The following COLQ variants were observed in gnomAD, a reference collection of about 807,000 sequenced individuals.
COLQ encodes the protein acetylcholinesterase collagenic tail peptide.
COLQ carries 48 observed loss-of-function variants against 69.0 expected under a neutral mutation model. The ratio of observed to expected loss-of-function variants is 0.70; its 90% CI spans 0.55 to 0.88. COLQ has a LOEUF of 0.88. Ranked by LOEUF, COLQ falls within the 40% of genes least tolerant of loss-of-function variation. The pLI, the probability that COLQ is intolerant of heterozygous loss-of-function variation, is 0.00. For synonymous variants in COLQ, 217 were observed against 211.2 expected (o/e 1.03, Z -0.24); for missense variants, 618 against 594.6 (o/e 1.04, Z -0.41).
At chr3:15,477,461 T>C in intron 5 of COLQ, 2 of 476,904 alleles carry the variant, frequency 4.2e-6, no homozygotes, top group Non-Finnish European at 7.7e-6. Context: ...TTTTGTCACT[T>C]CTACCCACCC....
intron 1 of COLQ, among the ~76,000 whole-genome samples, chr3:15,496,867 C>A (rs921123866): frequency 6.6e-6 from 1 of 152,058 alleles, no homozygotes; most frequent in African/African-American, 2.4e-5. Flanking sequence ...CTTTGGAAAG[C>A]GATTTTCTCC....
chr3:15,517,041 C>T (rs1265872016), intron 1 of COLQ, among the ~76,000 whole-genome samples: 1 of 152,132 alleles, frequency 6.6e-6, no homozygotes, highest in South Asian at 2.1e-4. Context: ...ACTCAAGAGG[C>T]AGAGGTATGA....
intron 12 of COLQ, among the ~76,000 whole-genome samples, chr3:15,459,427 TTTTA>T (rs1488640869): frequency 6.6e-6 from 1 of 151,986 alleles, no homozygotes; most frequent in East Asian, 1.9e-4. Context: ...GCATCCACAC[TTTTA>T]TTTATTTATT....
rs2062328012 is a variant in COLQ at position 15,473,664 on chromosome 3, G to A, written c.636+336C>T. Among the ~76,000 whole-genome samples, 1 of 152,132 alleles carries A rather than the reference G, an allele frequency of 6.6e-6. No individual in the cohort carries two copies. Among genetic ancestry groups the A allele is most frequent in the African/African-American group, 2.4e-5 (1 of 41,422 alleles). On this transcript the variant is annotated intron_variant, in intron 10 of 16. Transcript: ENST00000383788. This position sits in a 1 kb window ranked among gnomAD's most constrained non-coding sequence, Gnocchi z 4.0. ...GCTTTGACCGTTGTGGCTCAGATCTGAGTCCCCTGTGAGAAAGGTTTCTGC... is the reference window on the plus strand; with the variant it reads ...GCTTTGACCGTTGTGGCTCAGATCTAAGTCCCCTGTGAGAAAGGTTTCTGC...
intron 7 of COLQ, chr3:15,475,181 C>T: frequency 3.1e-6 from 2 of 655,138 alleles, no homozygotes; most frequent in East Asian, 5.4e-5. Context: ...TCAAAGGTTT[C>T]CATCTGCTCT....
chr3:15,453,318 G>T (rs564774139), intron 16 of COLQ, among the ~76,000 whole-genome samples: 27 of 152,204 alleles, frequency 1.8e-4, no homozygotes, highest in Non-Finnish European at 3.5e-4. Context: ...TTTTCTTGGA[G>T]GGGCCATGAG....
chr3:15,486,564 C>G (rs1389180362), intron 3 of COLQ, among the ~76,000 whole-genome samples: 1 of 152,182 alleles, frequency 6.6e-6, no homozygotes, highest in Non-Finnish European at 1.5e-5. Flanking sequence ...CTTTTCTTTT[C>G]TATATTCCAT....
At chr3:15,520,620 G>A (rs1406344841) in intron 1 of COLQ, among the ~76,000 whole-genome samples, 1 of 152,194 alleles carries the variant, frequency 6.6e-6, no homozygotes, top group Non-Finnish European at 1.5e-5. Context: ...GGTGAATTGA[G>A]GGGGGCTGTG....
intron 2 of COLQ, among the ~76,000 whole-genome samples, chr3:15,489,101 C>T (rs1181832283): frequency 6.6e-6 from 1 of 152,228 alleles, no homozygotes; most frequent in East Asian, 1.9e-4. Flanking sequence ...AGAACTATTT[C>T]CTGAGTCACC....
At chr3:15,456,621 T>C (rs200349012) in intron 13 of COLQ, 42 bp from the exon 14 acceptor site, 1 of 1,610,902 alleles carries the variant, frequency 6.2e-7, no homozygotes, top group South Asian at 1.1e-5. Context: ...AAAACACTTC[T>C]GCAGGGGGCA....
intron 13 of COLQ, among the ~76,000 whole-genome samples, chr3:15,457,865 C>A (rs1049529669): frequency 3.3e-5 from 5 of 152,188 alleles, no homozygotes; most frequent in Non-Finnish European, 5.9e-5. Flanking sequence ...AATCCACCCA[C>A]CTTGGCCTCC....
chr3:15,451,850 TG>T, intron 16 of COLQ, 137 bp from the exon 17 acceptor site: 1 of 764,050 alleles, frequency 1.3e-6, no homozygotes. Context: ...GTGAGAGGCC[TG>T]GGGGAGTTGA....
chr3:15,474,066 A>T (rs1407063734), intron 9 of COLQ, 31 bp from the exon 10 acceptor site: 16 of 1,613,876 alleles, frequency 9.9e-6, no homozygotes, highest in African/African-American at 1.3e-5. Context: ...AATTGTGATC[A>T]CCTCTGAAAT....
At chr3:15,490,633 C>G (rs1164073682) in intron 1 of COLQ, among the ~76,000 whole-genome samples, 1 of 152,200 alleles carries the variant, frequency 6.6e-6, no homozygotes, top group Non-Finnish European at 1.5e-5. Flanking sequence ...TATATCACAA[C>G]CTACTCATCC....
At chr3:15,454,510 C>T (rs1366545078) in intron 15 of COLQ, among the ~76,000 whole-genome samples, 1 of 152,096 alleles carries the variant, frequency 6.6e-6, no homozygotes, top group African/African-American at 2.4e-5. Flanking sequence ...CACTGTGCAC[C>T]AGAGGCAGAA....
intron 1 of COLQ, among the ~76,000 whole-genome samples, chr3:15,497,891 T>C (rs1297050778): frequency 6.6e-6 from 1 of 152,188 alleles, no homozygotes; most frequent in Non-Finnish European, 1.5e-5. Context: ...TTTCCTTCAA[T>C]CCCCACAACA....
rs974754730 is a variant in COLQ, at chr3:15,450,397, C to G, written c.*1247G>C. The stretch of plus-strand genomic sequence containing the variant: ...CCCAAGACACAGGCTCATTAAATAG[C>G]TTCGTACAAAAACCCAAGGGTGTCC... On this transcript the variant is annotated 3_prime_UTR_variant, in exon 17 of 17. Transcript: ENST00000383788. 1 of 153,752 alleles carries G rather than the reference C, an allele frequency of 6.5e-6. No individual in the cohort carries two copies. The highest frequency in any genetic ancestry group is 2.4e-5 in the African/African-American group (1 of 41,438). The allele number at this position is 153,752 out of a possible 1,614,324, so 9.5% of individuals were successfully genotyped here.
intron 1 of COLQ, among the ~76,000 whole-genome samples, chr3:15,517,013 G>T (rs1053818676): frequency 6.6e-6 from 1 of 152,100 alleles, no homozygotes; most frequent in Non-Finnish European, 1.5e-5. Context: ...TTGGTGGCAC[G>T]TGCCTGTACT....
chr3:15,457,013 G>A (rs915224212), intron 13 of COLQ, among the ~76,000 whole-genome samples: 23 of 152,104 alleles, frequency 1.5e-4, no homozygotes, highest in African/African-American at 5.5e-4. Context: ...AGTAGAGATA[G>A]GGTTTCGCCA....
Sources: gnomAD v4.1 joint callset for allele counts (sites outside exome capture counted in the v4.1 genomes callset) on GRCh38, gnomAD v4.1.1 for gene constraint, Gnocchi (gnomAD v3.1) non-coding constraint, MANE v1.5 for transcripts, NCBI Gene and HGNC (gene_info 2026-07-23, HGNC 2026-07-21) for gene names.